Variants in CSMD1 observed in about 807,000 individuals in gnomAD.
The protein encoded by CSMD1 is CUB and sushi domain-containing protein 1.
Under a neutral mutation model 417.5 loss-of-function variants are expected in CSMD1, and 213 were observed. The observed-to-expected ratio is 0.51, with a 90% confidence interval of 0.46 to 0.57. The LOEUF is 0.57. Ranked by LOEUF, CSMD1 falls within the 20% of genes least tolerant of loss-of-function variation. CSMD1 has a pLI of 0.00. For synonymous variants in CSMD1, 2,862 were observed against 1,736.8 expected, an observed-to-expected ratio of 1.65 and a Z score of -16.11; for missense variants, 6,923 against 4,529.7, an observed-to-expected ratio of 1.53 and a Z score of -15.17.
intron 12 of CSMD1, among the ~76,000 whole-genome samples, chr8:3,427,847 G>T (rs2406299): frequency 0.055 from 8,383 of 152,312 alleles, 307 homozygotes; most frequent in East Asian, 0.16. Context: ...GGAGGCGTAT[G>T]CCTGTCAAAT....
intron 3 of CSMD1, among the ~76,000 whole-genome samples, chr8:4,128,236 A>G (rs1442504731): frequency 1.3e-5 from 2 of 152,064 alleles, no homozygotes; most frequent in Admixed American, 6.6e-5. Flanking sequence ...ATGTTTCTGC[A>G]TGGCTGACAG....
At chr8:3,550,165 T>C (rs893671675) in intron 10 of CSMD1, among the ~76,000 whole-genome samples, 5 of 152,212 alleles carry the variant, frequency 3.3e-5, no homozygotes, top group Admixed American at 1.3e-4. Flanking sequence ...GGAGCCATGC[T>C]TCACCTTTTG....
intron 39 of CSMD1, among the ~76,000 whole-genome samples, chr8:3,154,504 C>T (rs1214747653): frequency 6.6e-6 from 1 of 152,136 alleles, no homozygotes; most frequent in Non-Finnish European, 1.5e-5. Flanking sequence ...TTATATTTTA[C>T]TGGATTTATA....
At position 3,139,729 on chromosome 8, in the gene CSMD1, G is replaced by A. The variant is rs146163898; in HGVS notation, c.6241+2736C>T. On this transcript the variant is annotated intron_variant, in intron 41 of 69. Transcript: ENST00000635120. ...TGTATGTGTGTGTGTCGATGTGTGA[G>A]AGACAGATCTGAGTTATATTCAAGA... Among the ~76,000 whole-genome samples, 297 of 152,220 alleles carry A rather than the reference G, an allele frequency of 2.0e-3. 1 individual carries two copies. The highest frequency in any genetic ancestry group is 6.9e-3 in the African/African-American group (285 of 41,522).
chr8:4,831,838 A>G (rs528224841), intron 1 of CSMD1, among the ~76,000 whole-genome samples: 1 of 152,112 alleles, frequency 6.6e-6, no homozygotes, highest in African/African-American at 2.4e-5. Flanking sequence ...ACTCAAAGAC[A>G]AAGCACAGTG....
chr8:4,966,321 G>C (rs1809854929), intron 1 of CSMD1, among the ~76,000 whole-genome samples: 1 of 152,074 alleles, frequency 6.6e-6, no homozygotes, highest in Non-Finnish European at 1.5e-5. Context: ...GAAGGTTGCA[G>C]TGAGCCAAGA....
chr8:3,498,320 T>C (rs778230062), intron 10 of CSMD1, among the ~76,000 whole-genome samples: 29 of 152,248 alleles, frequency 1.9e-4, no homozygotes, highest in Non-Finnish European at 3.1e-4. Flanking sequence ...CTTTGATACA[T>C]GTATACAAAG....
At chr8:3,502,977 T>C (rs754648138) in intron 10 of CSMD1, among the ~76,000 whole-genome samples, 3 of 151,828 alleles carry the variant, frequency 2.0e-5, no homozygotes, top group African/African-American at 4.8e-5. Context: ...AGTGGGGAGG[T>C]TGTGCATGTG....
intron 8 of CSMD1, among the ~76,000 whole-genome samples, chr8:3,609,168 G>A (rs758516110): frequency 1.3e-5 from 2 of 152,228 alleles, no homozygotes; most frequent in Non-Finnish European, 2.9e-5. Flanking sequence ...GAATTTCAAC[G>A]CTTCTACTTA....
intron 43 of CSMD1, 150 bp from the exon 44 acceptor site, chr8:3,108,898 A>C: frequency 7.6e-6 from 6 of 790,774 alleles, no homozygotes; most frequent in Non-Finnish European, 1.2e-5. Flanking sequence ...CAAGATGTTG[A>C]ATGTCCACAA....
At chr8:4,778,445 T>C (rs1194384249) in intron 1 of CSMD1, among the ~76,000 whole-genome samples, 5 of 152,238 alleles carry the variant, frequency 3.3e-5, no homozygotes, top group African/African-American at 1.2e-4. Flanking sequence ...CTGGACTTTT[T>C]CCAGGAATTG....
chr8:3,200,831 C>A (rs1039104635), intron 32 of CSMD1, among the ~76,000 whole-genome samples: 1 of 152,070 alleles, frequency 6.6e-6, no homozygotes, highest in Non-Finnish European at 1.5e-5. Flanking sequence ...GAAATATAAT[C>A]AAATCTGAAC....
intron 2 of CSMD1, among the ~76,000 whole-genome samples, chr8:4,588,403 G>A (rs1405113517): frequency 1.1e-5 from 1 of 88,758 alleles, no homozygotes; most frequent in Non-Finnish European, 2.5e-5. Flanking sequence ...CATAAAGACA[G>A]AGATAAAGAA....
chr8:3,530,533 T>C (rs887857553), intron 10 of CSMD1, among the ~76,000 whole-genome samples: 1 of 152,206 alleles, frequency 6.6e-6, no homozygotes, highest in Non-Finnish European at 1.5e-5. Flanking sequence ...TGTTTTGTTT[T>C]TGTTTTGAGG....
At chr8:3,864,893 T>C (rs1276279338) in intron 5 of CSMD1, among the ~76,000 whole-genome samples, 3 of 152,206 alleles carry the variant, frequency 2.0e-5, no homozygotes, top group Non-Finnish European at 4.4e-5. Context: ...TTTGTATACT[T>C]AGTAAAACAA....
At chr8:3,581,947 G>C (rs1405715510) in intron 9 of CSMD1, among the ~76,000 whole-genome samples, 1 of 152,138 alleles carries the variant, frequency 6.6e-6, no homozygotes, top group Admixed American at 6.5e-5. Flanking sequence ...TGGGATTATA[G>C]GCATGCACCA....
intron 5 of CSMD1, among the ~76,000 whole-genome samples, chr8:3,970,843 C>G (rs554023626): frequency 6.6e-6 from 1 of 152,092 alleles, no homozygotes; most frequent in East Asian, 1.9e-4. Flanking sequence ...CCTCCGCCTC[C>G]CGGGTTCACG....
chr8:4,456,043 C>T (rs1585106821), intron 2 of CSMD1, among the ~76,000 whole-genome samples: 1 of 99,010 alleles, frequency 1.0e-5, no homozygotes, highest in African/African-American at 3.9e-5. Flanking sequence ...TCAAGTTCTT[C>T]AATACTATCA....
At chr8:4,861,074 T>C (rs967937242) in intron 1 of CSMD1, among the ~76,000 whole-genome samples, 3 of 152,134 alleles carry the variant, frequency 2.0e-5, no homozygotes, top group African/African-American at 7.2e-5. Context: ...GTTCTAAAGC[T>C]CCAGAATCTT....
Sources: allele counts gnomAD v4.1 joint callset (sites outside exome capture counted in the v4.1 genomes callset), GRCh38; gene constraint gnomAD v4.1.1; transcripts MANE v1.5; gene names NCBI Gene and HGNC (gene_info 2026-07-23, HGNC 2026-07-21).